The following FREM1 variants were observed in gnomAD, a reference collection of about 807,000 sequenced individuals.
FREM1 encodes FRAS1 related extracellular matrix 1.
Under a neutral mutation model 210.1 loss-of-function variants are expected in FREM1, and 220 were observed. The ratio of observed to expected loss-of-function variants is 1.05; its 90% CI spans 0.94 to 1.17. The LOEUF (loss-of-function observed/expected upper bound fraction) is 1.17, where lower values mean the gene tolerates loss of function less well. FREM1 is among the 50% of genes most tolerant of loss of function. The pLI is 0.00. For missense variants in FREM1, 3,454 were observed against 2,675.5 expected (o/e 1.29, Z -6.42); for synonymous variants, 1,189 against 980.2 (o/e 1.21, Z -3.98).
At chr9:14,826,170 G>A (rs922682427) in intron 10 of FREM1, among the ~76,000 whole-genome samples, 8 of 143,704 alleles carry the variant, frequency 5.6e-5, no homozygotes, top group Admixed American at 1.5e-4. Flanking sequence ...TCAGCTCACT[G>A]CAAGCTCCAC....
At chr9:14,829,340 C>T (rs2130929833) in intron 10 of FREM1, among the ~76,000 whole-genome samples, 1 of 152,304 alleles carries the variant, frequency 6.6e-6, no homozygotes, top group East Asian at 1.9e-4. Flanking sequence ...TGCCTGGCAT[C>T]ATGGGTCTTT....
chr9:14,779,053 T>C (rs946038326), intron 24 of FREM1, among the ~76,000 whole-genome samples: 1 of 152,138 alleles, frequency 6.6e-6, no homozygotes, highest in Non-Finnish European at 1.5e-5. Flanking sequence ...TATGCCTTTA[T>C]TCTATTGTTT....
At chr9:14,778,859 A>G (rs1849178475) in intron 24 of FREM1, among the ~76,000 whole-genome samples, 1 of 151,980 alleles carries the variant, frequency 6.6e-6, no homozygotes, top group South Asian at 2.1e-4. Context: ...CCTGGGCAAC[A>G]TGGCAAAAGC....
intron 16 of FREM1, among the ~76,000 whole-genome samples, chr9:14,812,136 G>A (rs1819514724): frequency 6.6e-6 from 1 of 152,130 alleles, no homozygotes. Flanking sequence ...TTTCATAGCA[G>A]GGTCTAGGTC....
chr9:14,848,852 C>T lies in FREM1; in HGVS notation c.1153-79G>A, dbSNP rs1035827831. On this transcript the variant is annotated intron_variant, in intron 6 of 36. Transcript: ENST00000380880. ...TAGCATTAATTCTGGGTTATACCCA[C>T]ACACAGTGGATTCAGTTTTCTGCGG... 1.9e-5 allele frequency: 15 copies of T among 770,300 alleles called. No individual in the cohort carries two copies. In the African/African-American group the frequency reaches 2.4e-4, roughly 12 times the overall value. 47.7% of individuals were successfully genotyped at this position (770,300 alleles called of 1,614,324 possible). A position where few individuals can be genotyped will look rare whatever the true frequency, so the allele number is the denominator to read the frequency against.
At chr9:14,771,979 T>C (rs956606507) in intron 25 of FREM1, among the ~76,000 whole-genome samples, 16 of 152,076 alleles carry the variant, frequency 1.1e-4, no homozygotes, top group Non-Finnish European at 1.9e-4. Flanking sequence ...GGCAAAAATC[T>C]GGGAGCATTT....
At position 14,746,342 on chromosome 9, in the gene FREM1, G is replaced by C. The variant is rs1384455998; in HGVS notation, c.6254+11C>G. 4 of 1,577,702 alleles carry C rather than the reference G, an allele frequency of 2.5e-6. No individual in the cohort carries two copies. The South Asian group carries it at 3.3e-5, about 13-fold the overall frequency. On this transcript the variant is annotated intron_variant, in intron 35 of 36. Transcript: ENST00000380880. ...GAAAACACCAATCAAATGTGCAATA[G>C]GGTGCCTTACTGTTCCCTGCAAGCT...
At chr9:14,789,168 G>C in intron 22 of FREM1, 54 bp from the exon 23 acceptor site, 10 of 1,202,358 alleles carry the variant, frequency 8.3e-6, no homozygotes, top group Non-Finnish European at 1.2e-5. Flanking sequence ...TTCCCCCAAC[G>C]TACGTTAGTG....
chr9:14,778,282 T>C (rs1267068382), intron 24 of FREM1, among the ~76,000 whole-genome samples: 1 of 151,870 alleles, frequency 6.6e-6, no homozygotes, highest in Non-Finnish European at 1.5e-5. Flanking sequence ...CATTACTGGA[T>C]CATGAGGCAT....
chr9:14,760,918 A>G (rs141760840), intron 27 of FREM1, among the ~76,000 whole-genome samples: 1 of 152,076 alleles, frequency 6.6e-6, no homozygotes, highest in African/African-American at 2.4e-5. Context: ...AACCTTCACT[A>G]CGATTGTTAA....
rs775897256 is a variant in FREM1, at chr9:14,775,803, A to T, written c.4843T>A (p.Leu1615Ile). The T allele has an allele frequency of 2.5e-5, 41 of 1,612,358 alleles. No individual in the cohort carries two copies. The South Asian group carries it at 4.4e-4, about 17-fold the overall frequency. ...VNGRVWEEPV[L>I]FTIQVDQLDK... Reference sequence around the variant, plus strand: ...TTCATACTTGCCTGAATGGTGAATAAAACAGGTTCTTCCCACACTCTCCCA... The same window carrying T: ...TTCATACTTGCCTGAATGGTGAATATAACAGGTTCTTCCCACACTCTCCCA... Residue 1615 changes from leucine (L) to isoleucine (I), a missense_variant, in exon 25 of 37, where the codon TTA becomes ATA. By Grantham distance (5) the Leu-to-Ile change is conservative. Coordinates refer to ENST00000380880, the MANE Select transcript of FREM1 (RefSeq NM_001379081.2).
intron 20 of FREM1, among the ~76,000 whole-genome samples, chr9:14,799,226 G>C (rs529274697): frequency 2.6e-4 from 39 of 151,932 alleles, no homozygotes; most frequent in African/African-American, 8.4e-4. Context: ...GTCCAGGCTG[G>C]AGTGAACTGT....
chr9:14,846,112 G>C, intron 7 of FREM1, 21 bp from the exon 8 acceptor site: 2 of 1,550,394 alleles, frequency 1.3e-6, no homozygotes, highest in East Asian at 2.4e-5. Flanking sequence ...AAGGAGAAAA[G>C]GGTGTTGGTA....
At chr9:14,756,500 A>G in intron 28 of FREM1, 54 bp from the exon 29 acceptor site, 2 of 1,244,704 alleles carry the variant, frequency 1.6e-6, no homozygotes, top group South Asian at 1.3e-5. Flanking sequence ...TCTACAATAG[A>G]GAAACAGCTA....
chr9:14,901,176 G>T (rs1838719599), intron 1 of FREM1, among the ~76,000 whole-genome samples: 1 of 152,182 alleles, frequency 6.6e-6, no homozygotes, highest in Non-Finnish European at 1.5e-5. Context: ...GGTTTAGGCA[G>T]TATGTAATAG....
Position 14,842,598 on chromosome 9 carries a change from C to A in FREM1, c.1456G>T (p.Asp486Tyr). ...AAGTCTTTGGTGGAGTCGCTGTCAT[C>A]ATGATGATAGCGAACAACTCCAGCC... ...LQAGVVRYHH[D>Y]DSDSTKDFVV... Residue 486 changes from aspartate (D) to tyrosine (Y), a missense_variant, in exon 9 of 37, where the codon GAT becomes TAT. Physicochemically the swap from Asp to Tyr is radical, Grantham distance 160 (BLOSUM62 -3). Transcript: ENST00000380880. The A allele has an allele frequency of 6.2e-7, 1 of 1,613,952 alleles. No homozygotes were observed. The highest frequency in any genetic ancestry group is 1.1e-5 in the South Asian group (1 of 91,086).
chr9:14,880,401 C>T (rs565660921), intron 1 of FREM1, among the ~76,000 whole-genome samples: 8 of 152,070 alleles, frequency 5.3e-5, no homozygotes, highest in East Asian at 3.9e-4. Flanking sequence ...GTCAGGAGTT[C>T]GAGACCAGCC....
intron 13 of FREM1, among the ~76,000 whole-genome samples, chr9:14,820,813 T>C (rs1389134258): frequency 6.6e-6 from 1 of 152,188 alleles, no homozygotes; most frequent in African/African-American, 2.4e-5. Flanking sequence ...ATATTTTCAC[T>C]GTTTGTAGGA....
intron 27 of FREM1, among the ~76,000 whole-genome samples, chr9:14,766,985 A>G (rs1187960349): frequency 2.0e-5 from 3 of 152,214 alleles, no homozygotes; most frequent in African/African-American, 7.2e-5. Flanking sequence ...AGTAATCACC[A>G]CAAGTTGCAT....
Sources: allele counts gnomAD v4.1 joint callset (sites outside exome capture counted in the v4.1 genomes callset), GRCh38; gene constraint gnomAD v4.1.1; transcripts MANE v1.5; gene names NCBI Gene and HGNC (gene_info 2026-07-23, HGNC 2026-07-21).